FBXW11: variants seen among roughly 807,000 people sequenced by gnomAD.
FBXW11 encodes F-box and WD repeat domain containing 11, also known as F-box/WD repeat-containing protein 11.
FBXW11 carries 19 observed loss-of-function variants against 77.6 expected under a neutral mutation model. The observed-to-expected ratio is 0.24, with a 90% confidence interval of 0.17 to 0.36. The LOEUF is 0.36. Ranked by LOEUF, FBXW11 falls within the 10% of genes least tolerant of loss-of-function variation. The pLI is 1.00. For synonymous variants in FBXW11, 235 were observed against 249.4 expected, an observed-to-expected ratio of 0.94 and a Z score of 0.54; for missense variants, 334 against 704.2, an observed-to-expected ratio of 0.47 and a Z score of 5.95.
intron 7 of FBXW11, among the ~76,000 whole-genome samples, chr5:171,890,189 C>A (rs1289193113): frequency 1.3e-5 from 2 of 151,282 alleles, no homozygotes; most frequent in African/African-American, 4.9e-5. Flanking sequence ...TGGCTAGTAT[C>A]AAAAAAAACT....
At chr5:171,884,780 T>A (rs1485067913) in intron 7 of FBXW11, among the ~76,000 whole-genome samples, 1 of 152,220 alleles carries the variant, frequency 6.6e-6, no homozygotes, top group African/African-American at 2.4e-5. Flanking sequence ...GTTTTCCTTG[T>A]AGAGGTCTTT....
intron 2 of FBXW11, among the ~76,000 whole-genome samples, chr5:171,927,391 C>T (rs149664443): frequency 2.8e-4 from 42 of 152,234 alleles, no homozygotes; most frequent in African/African-American, 8.4e-4. Context: ...TGGCAATACA[C>T]ACAGAATTTT....
intron 13 of FBXW11, chr5:171,867,833 A>G (rs1757508961): frequency 6.6e-6 from 1 of 152,242 alleles, no homozygotes; most frequent in Non-Finnish European, 1.5e-5. Flanking sequence ...TATCCATAGT[A>G]GTATGTTTAT....
At chr5:171,924,458 T>C (rs1241987766) in intron 2 of FBXW11, among the ~76,000 whole-genome samples, 2 of 152,180 alleles carry the variant, frequency 1.3e-5, no homozygotes, top group East Asian at 1.9e-4. Flanking sequence ...ACTGGGGGAC[T>C]ATGCCCATTT....
intron 2 of FBXW11, among the ~76,000 whole-genome samples, chr5:171,949,543 A>G (rs1041367132): frequency 6.6e-6 from 1 of 152,202 alleles, no homozygotes; most frequent in Non-Finnish European, 1.5e-5. Context: ...ACCATTATTA[A>G]AAAACTGAAA....
intron 1 of FBXW11, among the ~76,000 whole-genome samples, chr5:171,959,850 AAAAAAAAAAAAG>A (rs1763807323): frequency 2.1e-5 from 2 of 93,892 alleles, no homozygotes; most frequent in South Asian, 7.6e-4. Flanking sequence ...ACTGCCTCAA[AAAAAAAAAAAAG>A]AAAAGAAAAG....
chr5:171,887,947 C>T (rs1050313514), intron 7 of FBXW11, among the ~76,000 whole-genome samples: 1 of 152,214 alleles, frequency 6.6e-6, no homozygotes, highest in African/African-American at 2.4e-5. Context: ...GCATGAGCCA[C>T]CACACCCGGC....
At chr5:171,880,351 CAGTAATTCTTCA>C (rs1758418001) in intron 7 of FBXW11, among the ~76,000 whole-genome samples, 1 of 152,174 alleles carries the variant, frequency 6.6e-6, no homozygotes, top group Non-Finnish European at 1.5e-5. Flanking sequence ...TGCAGTTTTA[CAGTAATTCTTCA>C]AGTAGGGTAG....
intron 2 of FBXW11, among the ~76,000 whole-genome samples, chr5:171,922,132 T>C (rs1405986437): frequency 6.6e-6 from 1 of 152,128 alleles, no homozygotes; most frequent in Non-Finnish European, 1.5e-5. Context: ...TCTCAAACTT[T>C]CTACCCAATA....
At chr5:171,902,269 T>C (rs917967366) in intron 4 of FBXW11, among the ~76,000 whole-genome samples, 2 of 152,252 alleles carry the variant, frequency 1.3e-5, no homozygotes, top group Non-Finnish European at 2.9e-5. Context: ...GCTGCTTTCA[T>C]GTTCCCGTGC....
chr5:172,002,181 C>T (rs929834945), intron 1 of FBXW11, among the ~76,000 whole-genome samples: 1 of 152,120 alleles, frequency 6.6e-6, no homozygotes, highest in Non-Finnish European at 1.5e-5. Flanking sequence ...CATATATGTG[C>T]TGTTGTGAAT....
chr5:171,888,435 T>C (rs1233927517), intron 7 of FBXW11, among the ~76,000 whole-genome samples: 2 of 152,192 alleles, frequency 1.3e-5, no homozygotes, highest in Non-Finnish European at 2.9e-5. Flanking sequence ...TGAAAGCCCA[T>C]GACAGACGCA....
intron 1 of FBXW11, among the ~76,000 whole-genome samples, chr5:172,001,473 C>T (rs895942051): frequency 6.6e-6 from 1 of 152,182 alleles, no homozygotes; most frequent in African/African-American, 2.4e-5. Context: ...TGAAAGCCTA[C>T]CACAAAGAAG....
At chr5:171,931,583 T>C (rs1011221054) in intron 2 of FBXW11, among the ~76,000 whole-genome samples, 5 of 152,074 alleles carry the variant, frequency 3.3e-5, no homozygotes, top group African/African-American at 9.7e-5. Flanking sequence ...AAAGATAACA[T>C]AGGAGAAAAT....
At chr5:171,994,704 TACCACC>T (rs368238674) in intron 1 of FBXW11, among the ~76,000 whole-genome samples, 2 of 151,878 alleles carry the variant, frequency 1.3e-5, no homozygotes, top group Non-Finnish European at 2.9e-5. Flanking sequence ...GTACCATTAC[TACCACC>T]ACCACCACCA....
chr5:171,932,606 T>C (rs1284793975), intron 2 of FBXW11, among the ~76,000 whole-genome samples: 1 of 152,200 alleles, frequency 6.6e-6, no homozygotes, highest in East Asian at 1.9e-4. Context: ...ATATTCACCC[T>C]ACTCTGGTGC....
At chr5:171,929,409 T>C (rs568436805) in intron 2 of FBXW11, among the ~76,000 whole-genome samples, 2 of 152,034 alleles carry the variant, frequency 1.3e-5, no homozygotes, top group Admixed American at 1.3e-4. Context: ...TTTAAAAAAT[T>C]GAAAATTCGT....
rs1228391979 is a variant in FBXW11, at chr5:171,931,726, C to A, written c.148-17321G>T. ...CTGTCAAGAGAATTGAAAAAATATG[C>A]CACAAACTCAGAGAAAATATTTGCA... On this transcript the variant is annotated intron_variant, in intron 2 of 13. Transcript: ENST00000517395. Among the ~76,000 whole-genome samples, 3 of 151,574 alleles carry A rather than the reference C, an allele frequency of 2.0e-5. No homozygotes were observed. The East Asian group carries it at 5.8e-4, about 29-fold the overall frequency.
At chr5:171,927,300 A>G (rs1025564874) in intron 2 of FBXW11, among the ~76,000 whole-genome samples, 1 of 152,254 alleles carries the variant, frequency 6.6e-6, no homozygotes, top group Non-Finnish European at 1.5e-5. Context: ...GTGATATGCA[A>G]AATATACCAC....
Sources: allele counts gnomAD v4.1 joint callset (sites outside exome capture counted in the v4.1 genomes callset), GRCh38; gene constraint gnomAD v4.1.1; transcripts MANE v1.5; gene names NCBI Gene and HGNC (gene_info 2026-07-23, HGNC 2026-07-21).